The following ARIH1 variants were observed in gnomAD, a reference collection of about 807,000 sequenced individuals.
ARIH1 encodes ariadne RBR E3 ubiquitin protein ligase 1.
ARIH1 carries 8 observed loss-of-function variants against 85.0 expected under a neutral mutation model. That is an observed-to-expected ratio of 0.09 (90% CI 0.06 to 0.17). The LOEUF is 0.17. ARIH1 is among the 10% of genes least tolerant of loss of function. The pLI, the probability that ARIH1 is intolerant of heterozygous loss-of-function variation, is 1.00. For missense variants in ARIH1, 311 were observed against 718.1 expected (o/e 0.43, Z 6.48); for synonymous variants, 238 against 253.6 (o/e 0.94, Z 0.59).
intron 2 of ARIH1, among the ~76,000 whole-genome samples, chr15:72,524,911 G>T (rs184588190): frequency 6.6e-6 from 1 of 152,080 alleles, no homozygotes; most frequent in Non-Finnish European, 1.5e-5. Flanking sequence ...TTGAGACAGG[G>T]TCTCACTCTG....
chr15:72,480,070 CATGTTAGCCAGGATG>C (rs1238057872), intron 1 of ARIH1, among the ~76,000 whole-genome samples: 10 of 151,772 alleles, frequency 6.6e-5, no homozygotes, highest in Non-Finnish European at 1.5e-4. Context: ...GGGGTTTCAC[CATGTTAGCCAGGATG>C]ATCTGGATCT....
At chr15:72,525,071 A>G (rs900894830) in intron 2 of ARIH1, among the ~76,000 whole-genome samples, 8 of 151,888 alleles carry the variant, frequency 5.3e-5, no homozygotes, top group Admixed American at 5.3e-4. Flanking sequence ...CTTTATTTTT[A>G]GTAGAGATGG....
Position 72,584,088 on chromosome 15 carries a change from C to T in ARIH1, c.*796C>T, listed in dbSNP as rs952683526. On this transcript the variant is annotated 3_prime_UTR_variant, in exon 14 of 14. Coordinates refer to ENST00000379887, the MANE Select transcript of ARIH1 (RefSeq NM_005744.5). ...TTGGGATAAAGGTGTGTCGGTTTAGCACCTCTGGAAGACCTATCTAGAGCT... is the reference window on the plus strand; with the variant it reads ...TTGGGATAAAGGTGTGTCGGTTTAGTACCTCTGGAAGACCTATCTAGAGCT... The T allele has an allele frequency of 1.3e-5, 2 of 152,196 alleles. No homozygotes were observed. The highest frequency in any genetic ancestry group is 2.4e-5 in the African/African-American group (1 of 41,448). The allele number at this position is 152,196 out of a possible 1,614,324, so 9.4% of individuals were successfully genotyped here.
At chr15:72,477,854 G>A (rs1240654421) in intron 1 of ARIH1, among the ~76,000 whole-genome samples, 2 of 152,074 alleles carry the variant, frequency 1.3e-5, no homozygotes, top group Non-Finnish European at 2.9e-5. Flanking sequence ...CACCCAGGCT[G>A]TAGTGCAGTC....
At chr15:72,544,768 C>T (rs1460584919) in intron 2 of ARIH1, 52 bp from the exon 3 acceptor site, 2 of 1,543,002 alleles carry the variant, frequency 1.3e-6, no homozygotes, top group Admixed American at 1.8e-5. Context: ...TTGGAGAGCT[C>T]TAACAGTGTG....
At chr15:72,522,192 A>C (rs546362624) in intron 2 of ARIH1, among the ~76,000 whole-genome samples, 31 of 152,304 alleles carry the variant, frequency 2.0e-4, no homozygotes, top group African/African-American at 7.5e-4. Flanking sequence ...TTACAGTCTT[A>C]AGGGTTTTTA....
chr15:72,527,206 G>A (rs1342908016), intron 2 of ARIH1, among the ~76,000 whole-genome samples: 1 of 152,208 alleles, frequency 6.6e-6, no homozygotes, highest in Non-Finnish European at 1.5e-5. Context: ...TGAAGGTTGT[G>A]CAGTCAGGAA....
At chr15:72,520,846 T>C (rs2140412566) in intron 2 of ARIH1, among the ~76,000 whole-genome samples, 1 of 152,240 alleles carries the variant, frequency 6.6e-6, no homozygotes, top group East Asian at 1.9e-4. Flanking sequence ...TGAATTTTTT[T>C]TTTTCTTTTC....
Position 72,506,345 on chromosome 15 carries a change from G to A in ARIH1, c.376-11722G>A, listed in dbSNP as rs748297716. Among the ~76,000 whole-genome samples the A allele has an allele frequency of 0.02, 178 of 8,730 alleles. No individual in the cohort carries two copies. The South Asian group carries it at 0.5, about 25-fold the overall frequency. The allele number at this position is 8,730 out of a possible 152,430, so 5.7% of individuals were successfully genotyped here. ...AGCCTGGGCGACAGAGCAAGACTCC[G>A]TCTCACAAAAAAAAAAAAAAGAAAA... On this transcript the variant is annotated intron_variant, in intron 1 of 13. Transcript: ENST00000379887.
Position 72,597,130 on chromosome 15 carries a change from G to T in ARIH1, c.*13838G>T. 1 of 148,526 alleles carries T rather than the reference G, an allele frequency of 6.7e-6. No homozygotes were observed. Among genetic ancestry groups the T allele is most frequent in the Admixed American group, 6.8e-5 (1 of 14,678 alleles). 9.2% of individuals were successfully genotyped at this position (148,526 alleles called of 1,614,324 possible). A position where few individuals can be genotyped will look rare whatever the true frequency, so the allele number is the denominator to read the frequency against. ...TTTATGTTGAAAAAAAAAAGAAATT[G>T]AAGAAAATGTTTACTTCCAAAACAG... On this transcript the variant is annotated 3_prime_UTR_variant, in exon 14 of 14. Coordinates refer to ENST00000379887, the MANE Select transcript of ARIH1 (RefSeq NM_005744.5).
intron 6 of ARIH1, among the ~76,000 whole-genome samples, chr15:72,562,129 G>T (rs2064199922): frequency 6.6e-6 from 1 of 152,032 alleles, no homozygotes; most frequent in African/African-American, 2.4e-5. Flanking sequence ...TACTAATCGT[G>T]TCATGTTTAA....
At chr15:72,560,714 G>T (rs1204289934) in intron 5 of ARIH1, among the ~76,000 whole-genome samples, 1 of 152,218 alleles carries the variant, frequency 6.6e-6, no homozygotes, top group East Asian at 1.9e-4. Flanking sequence ...GTGGGATCTT[G>T]TGGAAGGAGA....
At chr15:72,508,043 A>G (rs1182560168) in intron 1 of ARIH1, among the ~76,000 whole-genome samples, 2 of 152,202 alleles carry the variant, frequency 1.3e-5, no homozygotes, top group Non-Finnish European at 2.9e-5. Flanking sequence ...ATGAAAATAT[A>G]TATATTCATA....
At chr15:72,547,393 C>T (rs561387814) in intron 3 of ARIH1, among the ~76,000 whole-genome samples, 69 of 151,098 alleles carry the variant, frequency 4.6e-4, no homozygotes, top group African/African-American at 1.6e-3. Context: ...CCACCACACC[C>T]GGCTAATTTT....
intron 12 of ARIH1, chr15:72,581,802 A>C (rs887461909): frequency 1.1e-5 from 3 of 265,392 alleles, no homozygotes; most frequent in Admixed American, 4.9e-5. Flanking sequence ...GAAGATTCCA[A>C]AAGACATTTT....
At chr15:72,575,043 A>G (rs1012690925) in intron 11 of ARIH1, among the ~76,000 whole-genome samples, 4 of 151,764 alleles carry the variant, frequency 2.6e-5, no homozygotes, top group African/African-American at 9.7e-5. Flanking sequence ...GGCTGCAGTG[A>G]GCCATGATGA....
At chr15:72,484,025 T>A (rs2063826919) in intron 1 of ARIH1, among the ~76,000 whole-genome samples, 1 of 149,784 alleles carries the variant, frequency 6.7e-6, no homozygotes, top group Non-Finnish European at 1.5e-5. Flanking sequence ...ATACAAAAAT[T>A]AGCCGGGCAT....
chr15:72,513,588 C>T (rs2140408265), intron 1 of ARIH1, among the ~76,000 whole-genome samples: 1 of 152,098 alleles, frequency 6.6e-6, no homozygotes, highest in Non-Finnish European at 1.5e-5. Flanking sequence ...TCCTTCTTTC[C>T]TGTAGTTCCA....
At chr15:72,501,169 A>C (rs1391152389) in intron 1 of ARIH1, among the ~76,000 whole-genome samples, 1 of 151,558 alleles carries the variant, frequency 6.6e-6, no homozygotes, top group Non-Finnish European at 1.5e-5. Context: ...TAAAGGATAC[A>C]GGGGTATATT....
Sources: allele counts gnomAD v4.1 joint callset (sites outside exome capture counted in the v4.1 genomes callset), GRCh38; gene constraint gnomAD v4.1.1; transcripts MANE v1.5; gene names NCBI Gene and HGNC (gene_info 2026-07-23, HGNC 2026-07-21).